Variants in CFAP299 observed in about 807,000 individuals in gnomAD.
CFAP299 encodes the protein cilia- and flagella-associated protein 299.
Under a neutral mutation model 27.0 loss-of-function variants are expected in CFAP299, and 21 were observed. That is an observed-to-expected ratio of 0.78 (90% confidence interval 0.55 to 1.12). The LOEUF (loss-of-function observed/expected upper bound fraction) is 1.12, where lower values mean the gene tolerates loss of function less well. CFAP299 is among the 50% of genes most tolerant of loss of function. The probability of loss-of-function intolerance (pLI) is 0.00; values close to 1 mark genes in which losing one functional copy is unlikely to be tolerated. For synonymous variants in CFAP299, 104 were observed against 98.1 expected (o/e 1.06, Z -0.36); for missense variants, 310 against 276.6 (o/e 1.12, Z -0.86).
At chr4:80,710,563 A>G (rs1053118612) in intron 3 of CFAP299, among the ~76,000 whole-genome samples, 6 of 109,776 alleles carry the variant, frequency 5.5e-5, no homozygotes, top group African/African-American at 1.1e-4. Flanking sequence ...ACAAATTCAC[A>G]TACGAGAAAT....
chr4:80,586,502 G>A (rs536032959), intron 3 of CFAP299, among the ~76,000 whole-genome samples: 8 of 152,170 alleles, frequency 5.3e-5, no homozygotes, highest in Admixed American at 3.9e-4. Context: ...ATTTTTTAAA[G>A]AAACACTATA....
chr4:80,874,487 G>A (rs779344164), intron 4 of CFAP299, among the ~76,000 whole-genome samples: 1 of 152,198 alleles, frequency 6.6e-6, no homozygotes, highest in Non-Finnish European at 1.5e-5. Context: ...CACAGACTGT[G>A]TAATTTATAA....
chr4:80,927,302 C>T (rs1736355319), intron 4 of CFAP299, among the ~76,000 whole-genome samples: 1 of 151,990 alleles, frequency 6.6e-6, no homozygotes, highest in African/African-American at 2.4e-5. Flanking sequence ...GGTCAAATTC[C>T]TTTCAATATT....
chr4:80,595,767 A>T (rs1737029105), intron 3 of CFAP299, among the ~76,000 whole-genome samples: 2 of 152,178 alleles, frequency 1.3e-5, no homozygotes, highest in African/African-American at 4.8e-5. Context: ...TCCAGTATGA[A>T]ATATTTATTA....
At chr4:80,507,477 G>A (rs1732091987) in intron 2 of CFAP299, among the ~76,000 whole-genome samples, 1 of 152,162 alleles carries the variant, frequency 6.6e-6, no homozygotes, top group African/African-American at 2.4e-5. Flanking sequence ...CATTTGGAGT[G>A]TCACATTAAT....
intron 2 of CFAP299, among the ~76,000 whole-genome samples, chr4:80,576,197 A>ATATATATAT (rs1553935644): frequency 4.3e-4 from 14 of 32,456 alleles, no homozygotes; most frequent in East Asian, 7.2e-3. Context: ...TAAAAAAAAA[A>ATATATATAT]ATATATATAT....
At chr4:80,665,469 C>A (rs1158093441) in intron 3 of CFAP299, among the ~76,000 whole-genome samples, 1 of 152,058 alleles carries the variant, frequency 6.6e-6, no homozygotes, top group African/African-American at 2.4e-5. Context: ...CTCAGTTCTT[C>A]TCTGTGTCCA....
intron 3 of CFAP299, among the ~76,000 whole-genome samples, chr4:80,641,027 T>C (rs1019053586): frequency 6.6e-6 from 1 of 152,124 alleles, no homozygotes; most frequent in Non-Finnish European, 1.5e-5. Flanking sequence ...ATTAGATGAA[T>C]TACATGAATT....
At chr4:80,521,951 G>C (rs1732935139) in intron 2 of CFAP299, among the ~76,000 whole-genome samples, 1 of 151,926 alleles carries the variant, frequency 6.6e-6, no homozygotes, top group Non-Finnish European at 1.5e-5. Context: ...ATCTTTTCCA[G>C]ACCCTGTTTT....
intron 1 of CFAP299, among the ~76,000 whole-genome samples, chr4:80,339,752 C>T (rs1722348273): frequency 6.6e-6 from 1 of 152,132 alleles, no homozygotes; most frequent in Non-Finnish European, 1.5e-5. Context: ...AAAGTTTTGG[C>T]AAAATTATTA....
chr4:80,505,300 C>G (rs1188633302), intron 2 of CFAP299, among the ~76,000 whole-genome samples: 1 of 151,982 alleles, frequency 6.6e-6, no homozygotes, highest in Non-Finnish European at 1.5e-5. Flanking sequence ...AAAATTAAAT[C>G]CAGTTCTTTT....
At chr4:80,558,015 G>A (rs540501346) in intron 2 of CFAP299, among the ~76,000 whole-genome samples, 1 of 148,928 alleles carries the variant, frequency 6.7e-6, no homozygotes, top group East Asian at 2.0e-4. Flanking sequence ...TCACTAGAAA[G>A]CCTCACATTT....
chr4:80,620,533 A>C (rs1738531594), intron 3 of CFAP299, among the ~76,000 whole-genome samples: 1 of 152,078 alleles, frequency 6.6e-6, no homozygotes. Context: ...TTTGCTTTAC[A>C]ATTGGGTGAA....
At position 80,659,341 on chromosome 4, in the gene CFAP299, GAAA is replaced by G. The variant is rs529733252; in HGVS notation, c.333+76165_333+76167del. On this transcript the variant is annotated intron_variant, in intron 3 of 5. Transcript: ENST00000358105. ...CTGATTTCTAACCATCAAAATCAAT[GAAA>G]AAAAAACAAAAGAACTACACACTGA... Among the ~76,000 whole-genome samples, 418 of 147,710 alleles carry G rather than the reference GAAA, an allele frequency of 2.8e-3. 2 individuals are homozygous for G. The highest frequency in any genetic ancestry group is 4.9e-3 in the Non-Finnish European group (330 of 66,688).
At chr4:80,421,461 A>T (rs1727281317) in intron 2 of CFAP299, among the ~76,000 whole-genome samples, 1 of 152,220 alleles carries the variant, frequency 6.6e-6, no homozygotes, top group African/African-American at 2.4e-5. Context: ...TTACAATGTT[A>T]TCTGGTCTTG....
intron 1 of CFAP299, among the ~76,000 whole-genome samples, chr4:80,345,090 T>A (rs1234977640): frequency 6.6e-6 from 1 of 152,234 alleles, no homozygotes; most frequent in East Asian, 1.9e-4. Flanking sequence ...GACAAGGATG[T>A]CCTCTCTCTC....
chr4:80,370,684 A>G (rs1724098807), intron 2 of CFAP299, among the ~76,000 whole-genome samples: 2 of 152,230 alleles, frequency 1.3e-5, no homozygotes, highest in Admixed American at 6.5e-5. Context: ...CCCTGACTCC[A>G]TGTCTTACAT....
At chr4:80,362,726 C>T in intron 1 of CFAP299, 28 bp from the exon 2 acceptor site, 2 of 1,572,500 alleles carry the variant, frequency 1.3e-6, no homozygotes, top group Non-Finnish European at 1.7e-6. Context: ...CATTTGCCCA[C>T]TCACCTAACA....
intron 2 of CFAP299, among the ~76,000 whole-genome samples, chr4:80,540,052 C>T (rs1381194079): frequency 5.9e-5 from 9 of 152,218 alleles, no homozygotes; most frequent in African/African-American, 9.6e-5. Context: ...GTCAAGTGCA[C>T]AGGCAATTGT....
Sources: allele counts gnomAD v4.1 joint callset (sites outside exome capture counted in the v4.1 genomes callset), GRCh38; gene constraint gnomAD v4.1.1; transcripts MANE v1.5; gene names NCBI Gene and HGNC (gene_info 2026-07-23, HGNC 2026-07-21).